Variants in LRRC18 observed in about 807,000 individuals in gnomAD.
LRRC18 encodes the protein leucine-rich repeat-containing protein 18.
LRRC18 carries 12 observed loss-of-function variants against 11.2 expected under a neutral mutation model. The ratio of observed to expected loss-of-function variants is 1.07; its 90% CI spans 0.69 to 1.74. LRRC18 has a LOEUF of 1.74. LRRC18 is among the 40% of genes most tolerant of loss of function. LRRC18 has a pLI of 0.00. For synonymous variants in LRRC18, 155 were observed against 130.6 expected, an observed-to-expected ratio of 1.19 and a Z score of -1.27; for missense variants, 374 against 330.5, an observed-to-expected ratio of 1.13 and a Z score of -1.02.
chr10:48,937,106 C>T, the LRRC18 span, among the ~76,000 whole-genome samples: 1 of 152,000 alleles, frequency 6.6e-6, no homozygotes. Flanking sequence ...GTTGGCTAGG[C>T]TGGTCTCGAA....
chr10:48,923,042 TA>T, the LRRC18 span, among the ~76,000 whole-genome samples: 1 of 152,212 alleles, frequency 6.6e-6, no homozygotes, highest in African/African-American at 2.4e-5. Context: ...GAAACATTTT[TA>T]AAAAATCGTT....
chr10:48,928,352 A>ATGTGTGTGTGTG, the LRRC18 span, among the ~76,000 whole-genome samples: 10 of 59,716 alleles, frequency 1.7e-4, no homozygotes, highest in African/African-American at 4.5e-4. Context: ...TTTGGTTTTG[A>ATGTGTGTGTGTG]CGTGTGTGTG....
chr10:48,923,496 G>GTATATATATATATATATA, the LRRC18 span, among the ~76,000 whole-genome samples: 118 of 63,062 alleles, frequency 1.9e-3, 8 homozygotes, highest in East Asian at 0.018. Flanking sequence ...ATAGTTTTTA[G>GTATATATATATATATATA]TATATATATA....
At chr10:48,914,601 C>G (rs937339459), upstream of LRRC18, among the ~76,000 whole-genome samples, 1 of 152,132 alleles carries the variant, frequency 6.6e-6, no homozygotes, top group African/African-American at 2.4e-5. Context: ...CTGCATTAAG[C>G]TAGGATTTCC....
chr10:48,926,596 G>T, the LRRC18 span, among the ~76,000 whole-genome samples: 1 of 152,192 alleles, frequency 6.6e-6, no homozygotes, highest in Non-Finnish European at 1.5e-5. Context: ...AATCATTTCA[G>T]TGTGACCCAT....
chr10:48,910,190 G>GTGTT, exon 2 of LRRC18: 1 of 1,499,358 alleles, frequency 6.7e-7, no homozygotes. Flanking sequence ...CTTCAGAGTC[G>GTGTT]TTTATTCTGT....
At chr10:48,933,728 T>A in the LRRC18 span, among the ~76,000 whole-genome samples, 1 of 152,134 alleles carries the variant, frequency 6.6e-6, no homozygotes, top group Admixed American at 6.5e-5. Flanking sequence ...GCATTGGCAA[T>A]GGGCTGAGAG....
chr10:48,913,554 A>G (rs1193227802), exon 1 of LRRC18: 1 of 1,613,614 alleles, frequency 6.2e-7, no homozygotes, highest in African/African-American at 1.3e-5. Context: ...CTTCTCCTCC[A>G]CAACATACAA....
chr10:48,915,982 T>TA (rs1488480520), upstream of LRRC18, among the ~76,000 whole-genome samples: 1 of 152,178 alleles, frequency 6.6e-6, no homozygotes, highest in Non-Finnish European at 1.5e-5. Context: ...TAAAACAGCT[T>TA]AAAAAACAAA....
upstream of LRRC18, among the ~76,000 whole-genome samples, chr10:48,918,259 T>C (rs1838731882): frequency 6.6e-6 from 1 of 152,182 alleles, no homozygotes; most frequent in South Asian, 2.1e-4. Context: ...GAAAGTGACC[T>C]ACATGCTCCA....
chr10:48,914,034 G>A lies in LRRC18; in HGVS notation c.122C>T (p.Thr41Ile), dbSNP rs765467821. The A allele has an allele frequency of 6.8e-6, 11 of 1,614,090 alleles. No homozygotes were observed. Among genetic ancestry groups the A allele is most frequent in the Non-Finnish European group, 9.3e-6 (11 of 1,180,050 alleles). Reference sequence around the variant, plus strand: ...AAGGCGCAGAATACACTTGGGGAAGGTGGTAATTCCCATCTTGCTCAAGTC... The same window carrying A: ...AAGGCGCAGAATACACTTGGGGAAGATGGTAATTCCCATCTTGCTCAAGTC... The change falls in exon 1 of 2, where the codon ACC becomes ATC. Residue 41 changes from threonine (T) to isoleucine (I), a missense_variant. Transcript: ENST00000374160.
the LRRC18 span, among the ~76,000 whole-genome samples, chr10:48,936,148 A>C: frequency 6.6e-6 from 1 of 152,204 alleles, no homozygotes; most frequent in African/African-American, 2.4e-5. Flanking sequence ...TAAGTAGTAA[A>C]AATTTTGGAA....
At chr10:48,916,733 C>T (rs1838575407), upstream of LRRC18, among the ~76,000 whole-genome samples, 1 of 152,150 alleles carries the variant, frequency 6.6e-6, no homozygotes, top group Non-Finnish European at 1.5e-5. Context: ...TCTGAACTCT[C>T]CTGAGCTGCC....
exon 1 of LRRC18, chr10:48,913,637 G>A (rs1263240734): frequency 7.4e-6 from 12 of 1,614,038 alleles, no homozygotes; most frequent in Non-Finnish European, 1.0e-5. Flanking sequence ...TCCGCTTTAT[G>A]TTGAGCTTTT....
At chr10:48,922,403 C>G in the LRRC18 span, among the ~76,000 whole-genome samples, 9 of 152,240 alleles carry the variant, frequency 5.9e-5, no homozygotes, top group African/African-American at 2.2e-4. Context: ...AAAGTGCTTC[C>G]TTTAAGTGAA....
At chr10:48,913,770 C>T (rs1263162099) in exon 1 of LRRC18, 2 of 1,614,062 alleles carry the variant, frequency 1.2e-6, no homozygotes. Flanking sequence ...GTGGTTCAAG[C>T]CTAGGTTCAC....
the LRRC18 span, among the ~76,000 whole-genome samples, chr10:48,928,661 C>T: frequency 6.6e-6 from 1 of 152,194 alleles, no homozygotes; most frequent in African/African-American, 2.4e-5. Flanking sequence ...ATTCTTTCTG[C>T]ACTTCACACC....
the LRRC18 span, among the ~76,000 whole-genome samples, chr10:48,924,617 T>C: frequency 6.6e-6 from 1 of 152,236 alleles, no homozygotes; most frequent in South Asian, 2.1e-4. Flanking sequence ...TTTGTTCTTG[T>C]ACAATTTTTT....
upstream of LRRC18, among the ~76,000 whole-genome samples, chr10:48,917,508 C>T (rs184695025): frequency 5.9e-5 from 9 of 152,294 alleles, no homozygotes; most frequent in Admixed American, 3.9e-4. Flanking sequence ...AGAACAATGA[C>T]GTATCACCCA....
Sources: gnomAD v4.1 joint callset for allele counts (sites outside exome capture counted in the v4.1 genomes callset) on GRCh38, gnomAD v4.1.1 for gene constraint, MANE v1.5 for transcripts, NCBI Gene and HGNC (gene_info 2026-07-23, HGNC 2026-07-21) for gene names.